APMAP: variants seen among roughly 807,000 people sequenced by gnomAD.
The protein encoded by APMAP is adipocyte plasma membrane associated protein, also known as adipocyte plasma membrane-associated protein.
APMAP carries 33 observed loss-of-function variants against 43.6 expected under a neutral mutation model. The ratio of observed to expected loss-of-function variants is 0.76; its 90% CI spans 0.57 to 1.01. APMAP has a LOEUF of 1.01. Among genes scored for constraint, APMAP ranks in the 50% least tolerant of loss-of-function variants. APMAP has a pLI of 0.00. For synonymous variants in APMAP, 224 were observed against 216.7 expected (o/e 1.03, Z -0.30); for missense variants, 498 against 540.7 (o/e 0.92, Z 0.78).
At chr20:24,970,843 T>G (rs1376362067) in intron 5 of APMAP, among the ~76,000 whole-genome samples, 1 of 152,046 alleles carries the variant, frequency 6.6e-6, no homozygotes, top group African/African-American at 2.4e-5. Context: ...TGACCCCAAT[T>G]TGATGAGGAA....
intron 8 of APMAP, 147 bp from the exon 9 acceptor site, chr20:24,964,169 T>G: frequency 1.1e-6 from 1 of 879,670 alleles, no homozygotes; most frequent in Non-Finnish European, 1.8e-6. Context: ...ACAGGACAGC[T>G]AATCCAGCTC....
At chr20:24,982,132 AG>A (rs1381500839) in intron 2 of APMAP, among the ~76,000 whole-genome samples, 5 of 151,836 alleles carry the variant, frequency 3.3e-5, no homozygotes, top group Non-Finnish European at 7.4e-5. Context: ...TGAGCCCAGG[AG>A]AGAGGTCCCT....
chr20:24,991,701 C>T lies in APMAP; in HGVS notation c.95+893G>A, dbSNP rs571741559. On this transcript the variant is annotated intron_variant, in intron 1 of 8. Transcript: ENST00000217456. ...ATCAAATATAAGTCAATCAGTCCCA[C>T]AACTTCAAGCTTGGTCTATGGGGCC... 2.6e-5 allele frequency among the ~76,000 whole-genome samples: 4 copies of T among 152,312 alleles called. No homozygotes were observed. The South Asian group carries it at 8.3e-4, about 32-fold the overall frequency.
At chr20:24,976,706 C>T (rs1407346646) in intron 3 of APMAP, among the ~76,000 whole-genome samples, 1 of 152,176 alleles carries the variant, frequency 6.6e-6, no homozygotes, top group Non-Finnish European at 1.5e-5. Context: ...GAGCTGAAAA[C>T]TTAGGTCCAC....
At chr20:24,983,029 T>A (rs548453226) in intron 2 of APMAP, among the ~76,000 whole-genome samples, 1 of 152,242 alleles carries the variant, frequency 6.6e-6, no homozygotes, top group Non-Finnish European at 1.5e-5. Context: ...TTACAGCACC[T>A]TGTGCCTTTA....
intron 1 of APMAP, among the ~76,000 whole-genome samples, chr20:24,985,506 C>A (rs529117824): frequency 2.6e-5 from 4 of 152,276 alleles, no homozygotes; most frequent in African/African-American, 9.6e-5. Flanking sequence ...GTGAGACCTG[C>A]CCAGGACTTC....
At chr20:24,975,439 A>G (rs377331564) in intron 3 of APMAP, among the ~76,000 whole-genome samples, 2 of 152,346 alleles carry the variant, frequency 1.3e-5, no homozygotes, top group East Asian at 3.9e-4. Context: ...CATCCAAAAG[A>G]TTGGCATACT....
At chr20:24,965,449 G>A (rs2087934235) in intron 8 of APMAP, among the ~76,000 whole-genome samples, 1 of 152,264 alleles carries the variant, frequency 6.6e-6, no homozygotes, top group Non-Finnish European at 1.5e-5. Context: ...GGGCTGAGCA[G>A]GGTACATGTG....
At chr20:24,965,195 C>G (rs2087932333) in intron 8 of APMAP, among the ~76,000 whole-genome samples, 1 of 152,216 alleles carries the variant, frequency 6.6e-6, no homozygotes, top group African/African-American at 2.4e-5. Flanking sequence ...CCCCAGCCTT[C>G]CCTTGATCCC....
intron 3 of APMAP, 114 bp downstream of exon 3, chr20:24,978,653 T>A (rs1479517129): frequency 8.8e-6 from 7 of 791,814 alleles, no homozygotes; most frequent in Non-Finnish European, 1.3e-5. Context: ...CTAAGAAGGA[T>A]GTGCAGGGCC....
chr20:24,980,282 G>C (rs1027918261), intron 2 of APMAP, among the ~76,000 whole-genome samples: 1 of 152,260 alleles, frequency 6.6e-6, no homozygotes, highest in Admixed American at 6.5e-5. Context: ...AGAACAGGAA[G>C]GAGCTAAGCG....
In APMAP at chr20:24,992,655, G is replaced by T. The variant is rs778361760; in HGVS notation, c.34C>A (p.Pro12Thr). ...TCTGTGACGACCTGCGGCCGCAGGG[G>T]CCGGCGCTGTCGCAGCCCGTCCGCC... Reference protein sequence around the residue: ...SEADGLRQRRPLRPQVVTDDD... With the variant: ...SEADGLRQRRTLRPQVVTDDD... The change falls in exon 1 of 9, where the codon CCC (proline) becomes ACC (threonine). Residue 12 changes from proline (P) to threonine (T), a missense_variant. Pro to Thr is a conservative substitution (Grantham distance 38, BLOSUM62 -1). Coordinates refer to ENST00000217456, the MANE Select transcript of APMAP (RefSeq NM_020531.3). 7 of 1,558,894 alleles carry T rather than the reference G, an allele frequency of 4.5e-6. No individual in the cohort carries two copies. The East Asian group carries it at 9.7e-5, about 22-fold the overall frequency.
intron 2 of APMAP, among the ~76,000 whole-genome samples, 184 bp downstream of exon 2, chr20:24,983,719 C>T (rs1230417699): frequency 6.6e-6 from 1 of 152,144 alleles, no homozygotes; most frequent in African/African-American, 2.4e-5. Context: ...AAATACCATG[C>T]ATATTTCCTG....
At chr20:24,984,650 T>C (rs1171849193) in intron 1 of APMAP, among the ~76,000 whole-genome samples, 3 of 152,350 alleles carry the variant, frequency 2.0e-5, no homozygotes, top group South Asian at 2.1e-4. Flanking sequence ...ACAGGATCTA[T>C]AAAATTACAA....
At chr20:24,991,375 G>C (rs1256837054) in intron 1 of APMAP, among the ~76,000 whole-genome samples, 3 of 152,220 alleles carry the variant, frequency 2.0e-5, no homozygotes, top group African/African-American at 7.2e-5. Context: ...GTTTAGCACT[G>C]AAAGTTCTAC....
At chr20:24,970,133 TC>T in intron 6 of APMAP, 63 bp downstream of exon 6, 1 of 1,577,754 alleles carries the variant, frequency 6.3e-7, no homozygotes, top group Non-Finnish European at 8.7e-7. Context: ...AGTAACAGGC[TC>T]TGCTGAAGCA....
intron 6 of APMAP, 148 bp downstream of exon 6, chr20:24,970,049 T>C: frequency 2.1e-6 from 2 of 975,278 alleles, no homozygotes; most frequent in South Asian, 3.3e-5. Flanking sequence ...ATCCATCACC[T>C]GCCTCCAGAA....
intron 1 of APMAP, among the ~76,000 whole-genome samples, chr20:24,985,529 C>G (rs1401732426): frequency 6.6e-6 from 1 of 152,174 alleles, no homozygotes; most frequent in Non-Finnish European, 1.5e-5. Flanking sequence ...GCCTACAAAA[C>G]TATTACATAA....
chr20:24,963,571 T>C lies in APMAP; in HGVS notation c.*242A>G. The stretch of plus-strand genomic sequence containing the variant: ...TTGTTTTGTTTAAGAGAAAATGGCT[T>C]TACATGAATTTATGTTCCTCATGGC... On this transcript the variant is annotated 3_prime_UTR_variant, in exon 9 of 9. Coordinates refer to ENST00000217456, the MANE Select transcript of APMAP (RefSeq NM_020531.3). 1.8e-6 allele frequency: 1 copy of C among 542,826 alleles called. No homozygotes were observed. The highest frequency in any genetic ancestry group is 2.3e-5 in the South Asian group (1 of 44,010). 33.6% of individuals were successfully genotyped at this position (542,826 alleles called of 1,614,324 possible).
Sources: gnomAD v4.1 joint callset for allele counts (sites outside exome capture counted in the v4.1 genomes callset) on GRCh38, gnomAD v4.1.1 for gene constraint, MANE v1.5 for transcripts, NCBI Gene and HGNC (gene_info 2026-07-23, HGNC 2026-07-21) for gene names.